Variants in MTCL3 observed in about 807,000 individuals in gnomAD.
The protein encoded by MTCL3 is microtubule cross-linking factor 3.
the MTCL3 span, among the ~76,000 whole-genome samples, chr6:127,474,286 T>G: frequency 6.6e-6 from 1 of 152,102 alleles, no homozygotes; most frequent in Admixed American, 6.6e-5. Context: ...TTAAATTAAT[T>G]TTTTTTATTG....
chr6:127,474,039 A>G, the MTCL3 span, among the ~76,000 whole-genome samples: 17 of 152,044 alleles, frequency 1.1e-4, 1 homozygote, highest in Non-Finnish European at 1.3e-4. Context: ...TATTTCTCTG[A>G]ATTAGTGTTG....
chr6:127,481,767 G>A, the MTCL3 span, among the ~76,000 whole-genome samples: 3 of 152,124 alleles, frequency 2.0e-5, no homozygotes, highest in Non-Finnish European at 4.4e-5. Flanking sequence ...ACTACATCTT[G>A]AATAGGAGCT....
the MTCL3 span, chr6:127,516,113 C>T: frequency 1.4e-6 from 2 of 1,468,322 alleles, no homozygotes; most frequent in South Asian, 1.4e-5. Flanking sequence ...CCGCCCCCTC[C>T]TCCCCCTTCT....
At chr6:127,499,256 G>A in the MTCL3 span, among the ~76,000 whole-genome samples, 1 of 152,144 alleles carries the variant, frequency 6.6e-6, no homozygotes, top group African/African-American at 2.4e-5. Context: ...GGTCATAACG[G>A]GAGATGAAGC....
chr6:127,518,875 C>T, the MTCL3 span: 1 of 152,276 alleles, frequency 6.6e-6, no homozygotes, highest in Non-Finnish European at 1.5e-5. Context: ...CAGGCTAACA[C>T]GCGAGGTACC....
the MTCL3 span, chr6:127,519,222 G>A: frequency 6.6e-6 from 1 of 152,394 alleles, no homozygotes; most frequent in African/African-American, 2.4e-5. Flanking sequence ...GCTTTGTCCT[G>A]GGTTCGGTCA....
chr6:127,498,096 G>A, the MTCL3 span, among the ~76,000 whole-genome samples: 1 of 152,038 alleles, frequency 6.6e-6, no homozygotes, highest in Non-Finnish European at 1.5e-5. Flanking sequence ...AATACAAATT[G>A]GACTTGATCA....
chr6:127,500,198 C>T, the MTCL3 span, among the ~76,000 whole-genome samples: 738 of 152,214 alleles, frequency 4.8e-3, 5 homozygotes, highest in African/African-American at 0.017. Context: ...TCCATAAATA[C>T]GTAGAGAGAA....
At chr6:127,507,533 T>A in the MTCL3 span, among the ~76,000 whole-genome samples, 1 of 152,192 alleles carries the variant, frequency 6.6e-6, no homozygotes, top group Non-Finnish European at 1.5e-5. Flanking sequence ...TGGAACTGTA[T>A]ATCTAATTTC....
chr6:127,515,125 C>T, the MTCL3 span: 1 of 1,283,316 alleles, frequency 7.8e-7, no homozygotes, highest in South Asian at 1.2e-5. This position sits in a 1 kb window ranked among gnomAD's most constrained non-coding sequence, Gnocchi z 4.3. Flanking sequence ...CACCCCATTC[C>T]AATTCCAAAT....
At chr6:127,474,895 C>T in the MTCL3 span, among the ~76,000 whole-genome samples, 1 of 152,184 alleles carries the variant, frequency 6.6e-6, no homozygotes, top group Non-Finnish European at 1.5e-5. Flanking sequence ...TCAAAAACCA[C>T]ATATCAGCAG....
the MTCL3 span, among the ~76,000 whole-genome samples, chr6:127,477,921 T>G: frequency 5.9e-5 from 9 of 152,084 alleles, no homozygotes; most frequent in East Asian, 1.5e-3. Flanking sequence ...TCATATTCCT[T>G]CCACTGCACA....
the MTCL3 span, among the ~76,000 whole-genome samples, chr6:127,503,058 G>C: frequency 4.6e-5 from 7 of 152,158 alleles, no homozygotes; most frequent in Admixed American, 1.3e-4. Context: ...ATAGACCCTA[G>C]AGTATTATAG....
the MTCL3 span, among the ~76,000 whole-genome samples, chr6:127,491,259 T>C: frequency 6.6e-6 from 1 of 152,250 alleles, no homozygotes; most frequent in Non-Finnish European, 1.5e-5. Flanking sequence ...TCAAACAGCA[T>C]TGCCTGCTAC....
At chr6:127,515,973 G>T in the MTCL3 span, 1 of 1,600,380 alleles carries the variant, frequency 6.2e-7, no homozygotes, top group Non-Finnish European at 8.5e-7. This position sits in a 1 kb window ranked among gnomAD's most constrained non-coding sequence, Gnocchi z 4.3. Flanking sequence ...GAGAAGGGGA[G>T]GCCCCCTCCC....
the MTCL3 span, chr6:127,475,408 C>T: frequency 6.2e-7 from 1 of 1,613,148 alleles, no homozygotes; most frequent in Non-Finnish European, 8.5e-7. The surrounding 1 kb of genome is among the most constrained non-coding windows in gnomAD (Gnocchi z 7.3). Context: ...AGCGTTGATG[C>T]GGTAGAGCAG....
At chr6:127,516,816 G>C in the MTCL3 span, 2 of 883,832 alleles carry the variant, frequency 2.3e-6, no homozygotes, top group East Asian at 2.8e-5. Context: ...TTTAGGAATA[G>C]GATGCAGGGC....
the MTCL3 span, among the ~76,000 whole-genome samples, chr6:127,494,425 G>C: frequency 6.6e-6 from 1 of 152,120 alleles, no homozygotes; most frequent in Non-Finnish European, 1.5e-5. Context: ...CAACAGAACT[G>C]GAGGAAATAG....
chr6:127,516,080 C>T, the MTCL3 span: 2 of 1,505,770 alleles, frequency 1.3e-6, no homozygotes, highest in South Asian at 1.3e-5. Flanking sequence ...TCCCCGGAGC[C>T]GCCGCCGGCT....
Sources: gnomAD v4.1 joint callset for allele counts (sites outside exome capture counted in the v4.1 genomes callset) on GRCh38, gnomAD v4.1.1 for gene constraint, Gnocchi (gnomAD v3.1) non-coding constraint, MANE v1.5 for transcripts, NCBI Gene and HGNC (gene_info 2026-07-23, HGNC 2026-07-21) for gene names.